The following DNAH9 variants were observed in gnomAD, a reference collection of about 807,000 sequenced individuals.
DNAH9 encodes DNAH9 variant protein.
In DNAH9, 345 loss-of-function variants were observed where a neutral mutation model predicts 471.6. The observed-to-expected ratio is 0.73, with a 90% confidence interval of 0.67 to 0.80. The LOEUF is 0.80. Ranked by LOEUF, DNAH9 falls within the 30% of genes least tolerant of loss-of-function variation. DNAH9 has a pLI of 0.00. For missense variants in DNAH9, 5,407 were observed against 5,609.2 expected, an observed-to-expected ratio of 0.96 and a Z score of 1.15; for synonymous variants, 2,093 against 2,123.6, an observed-to-expected ratio of 0.99 and a Z score of 0.40.
intron 67 of DNAH9, 68 bp downstream of exon 67, chr17:11,942,553 GA>G: frequency 1.3e-6 from 2 of 1,504,110 alleles, no homozygotes; most frequent in Non-Finnish European, 9.0e-7. Context: ...CTATGGGGAA[GA>G]AGGAGCACTG....
rs146843410 is a variant in DNAH9, at chr17:11,708,053, A to C, written c.5552+2868A>C. ...GAGAGAGAGAGAGAGAGAGAGAGAG[A>C]GAGCAGGTAACCCTGACAGAGCCTC... is the stretch of plus-strand genomic sequence containing the variant. On this transcript the variant is annotated intron_variant, in intron 26 of 68. Coordinates refer to ENST00000262442, the MANE Select transcript of DNAH9 (RefSeq NM_001372.4). Among the ~76,000 whole-genome samples the C allele has an allele frequency of 4.1e-4, 60 of 147,884 alleles. 1 individual carries two copies. The East Asian group carries it at 8.2e-3, about 20-fold the overall frequency.
rs1379419815 is a variant in DNAH9 at position 11,701,218 on chromosome 17, G to C, written c.5122G>C (p.Glu1708Gln). ...AACTGCCTATGAAGAAAAGCCGAGG[G>C]AGCAGTGGCTTTTTGACCACCCAGC... ...GVTAYEEKPR[E>Q]QWLFDHPAQV... The change falls in exon 24 of 69, where the codon GAG becomes CAG. Residue 1708 changes from glutamate to glutamine, a missense_variant. Physicochemically the swap from Glu to Gln is conservative, Grantham distance 29. Around this residue, in one of 3 missense-constraint regions of DNAH9, gnomAD observed 4,636 missense variants for 4,900.3 expected, o/e 0.95. Coordinates refer to ENST00000262442, the MANE Select transcript of DNAH9 (RefSeq NM_001372.4). The C allele has an allele frequency of 1.2e-6, 2 of 1,613,708 alleles. No homozygotes were observed. The highest frequency in any genetic ancestry group is 1.7e-6 in the Non-Finnish European group (2 of 1,179,974).
chr17:11,611,610 T>A (rs1205140953), intron 3 of DNAH9, 40 bp from the exon 4 acceptor site: 1 of 1,604,826 alleles, frequency 6.2e-7, no homozygotes, highest in Admixed American at 1.7e-5. Flanking sequence ...TTGCATTTCC[T>A]GATGCTTCCC....
chr17:11,601,143 C>CT (rs1182721464), intron 1 of DNAH9, among the ~76,000 whole-genome samples: 6 of 152,256 alleles, frequency 3.9e-5, no homozygotes, highest in South Asian at 2.1e-4. Context: ...GGATTTCTTT[C>CT]TTTTTTTAAC....
chr17:11,937,262 C>A lies in DNAH9; in HGVS notation c.12490-90C>A, dbSNP rs1390496695. 1.4e-5 allele frequency: 20 copies of A among 1,476,876 alleles called. 1 individual carries two copies. The Admixed American group carries it at 4.0e-4, about 29-fold the overall frequency. The allele number at this position is 1,476,876 out of a possible 1,614,324, so 91.5% of individuals were successfully genotyped here. A position where few individuals can be genotyped will look rare whatever the true frequency, so the allele number is the denominator to read the frequency against. ...GTGTCCCCTGGAGGAGGGATACTAGCCCATGGACTCCCTGCAGAGGACAAG... is the reference window on the plus strand; with the variant it reads ...GTGTCCCCTGGAGGAGGGATACTAGACCATGGACTCCCTGCAGAGGACAAG... On this transcript the variant is annotated intron_variant, in intron 65 of 68. Coordinates refer to ENST00000262442, the MANE Select transcript of DNAH9 (RefSeq NM_001372.4). This position sits in a 1 kb window ranked among gnomAD's most constrained non-coding sequence, Gnocchi z 4.1.
At chr17:11,926,959 G>A (rs753329695) in intron 62 of DNAH9, among the ~76,000 whole-genome samples, 60 of 152,154 alleles carry the variant, frequency 3.9e-4, no homozygotes, top group African/African-American at 1.1e-3. Flanking sequence ...TCTGACTGGC[G>A]TGAGATGGTA....
intron 28 of DNAH9, among the ~76,000 whole-genome samples, chr17:11,730,186 T>A (rs2075234672): frequency 6.6e-6 from 1 of 152,206 alleles, no homozygotes; most frequent in Non-Finnish European, 1.5e-5. Context: ...ATGGCTAGCC[T>A]GGACACTCTT....
intron 31 of DNAH9, among the ~76,000 whole-genome samples, chr17:11,745,514 A>G (rs1441816973): frequency 6.6e-6 from 1 of 152,236 alleles, no homozygotes; most frequent in Non-Finnish European, 1.5e-5. Context: ...AACACAGCAC[A>G]GCTCCTTATT....
chr17:11,834,347 A>AAAAAAAAG (rs1555605967), intron 48 of DNAH9, among the ~76,000 whole-genome samples: 1 of 148,920 alleles, frequency 6.7e-6, no homozygotes. Context: ...AAAAAAAAAA[A>AAAAAAAAG]AAGAAGAAGA....
rs939024897 is a variant in DNAH9, at chr17:11,756,334, T to A, written c.6739-234T>A. On this transcript the variant is annotated intron_variant, in intron 33 of 68. Transcript: ENST00000262442. ...CTCACTCACAACCATGAGAACTGTA[T>A]GGGGGAAACCACTCCCATGATTCAA... Among the ~76,000 whole-genome samples, 3 of 151,694 alleles carry A rather than the reference T, an allele frequency of 2.0e-5. No homozygotes were observed. In the East Asian group the frequency reaches 5.8e-4, roughly 29 times the overall value.
intron 19 of DNAH9, among the ~76,000 whole-genome samples, chr17:11,688,087 AAAAAAAAAAAAAAG>A (rs1466980243): frequency 2.8e-5 from 4 of 144,342 alleles, no homozygotes; most frequent in Admixed American, 2.7e-4. Context: ...TAAGCCAAAA[AAAAAAAAAAAAAAG>A]AAAAAGCCAT....
intron 44 of DNAH9, among the ~76,000 whole-genome samples, chr17:11,809,150 G>A (rs1026780549): frequency 6.6e-6 from 1 of 152,282 alleles, no homozygotes; most frequent in African/African-American, 2.4e-5. Context: ...AGCCCAAAAT[G>A]TCATCCATCT....
At chr17:11,801,535 C>T (rs983119002) in intron 43 of DNAH9, among the ~76,000 whole-genome samples, 1 of 152,072 alleles carries the variant, frequency 6.6e-6, no homozygotes, top group Non-Finnish European at 1.5e-5. Flanking sequence ...ACTAAAAATA[C>T]AAATTAGCTG....
At chr17:11,640,931 T>C (rs2073259441) in intron 10 of DNAH9, among the ~76,000 whole-genome samples, 1 of 152,170 alleles carries the variant, frequency 6.6e-6, no homozygotes, top group Non-Finnish European at 1.5e-5. Context: ...ACCCTCAGCT[T>C]GCTTCATAGC....
At chr17:11,828,378 C>T (rs1211364984) in intron 48 of DNAH9, among the ~76,000 whole-genome samples, 6 of 149,622 alleles carry the variant, frequency 4.0e-5, no homozygotes, top group Non-Finnish European at 1.5e-5. Context: ...GAGGCTTAAG[C>T]AGGAGAATTG....
At position 11,839,343 on chromosome 17, in the gene DNAH9, C is replaced by T. The variant is rs966556228; in HGVS notation, c.9507+4445C>T. 2.3e-4 allele frequency among the ~76,000 whole-genome samples: 35 copies of T among 151,468 alleles called. 1 individual carries two copies. Among genetic ancestry groups the T allele is most frequent in the Admixed American group, 2.0e-3 (30 of 15,198 alleles). The stretch of plus-strand genomic sequence containing the variant: ...CATCCTGGCTGACACGGTGAAACCC[C>T]GTCTCTACTAAAAATACAAAAAATT... On this transcript the variant is annotated intron_variant, in intron 49 of 68. Transcript: ENST00000262442.
At chr17:11,798,138 A>T (rs544291480) in intron 43 of DNAH9, among the ~76,000 whole-genome samples, 5 of 152,178 alleles carry the variant, frequency 3.3e-5, no homozygotes, top group Admixed American at 1.3e-4. Context: ...AGGGCCATTT[A>T]AAAAAATGAG....
intron 10 of DNAH9, among the ~76,000 whole-genome samples, chr17:11,641,626 G>C (rs2073273928): frequency 6.6e-6 from 1 of 152,126 alleles, no homozygotes; most frequent in South Asian, 2.1e-4. Context: ...CCCAGCCCTG[G>C]AAGTTTGGCG....
At chr17:11,887,559 T>C (rs1972916237) in intron 57 of DNAH9, among the ~76,000 whole-genome samples, 1 of 151,900 alleles carries the variant, frequency 6.6e-6, no homozygotes, top group Non-Finnish European at 1.5e-5. Context: ...AGTACATCTT[T>C]CCCCCCTAGG....
Sources: allele counts gnomAD v4.1 joint callset (sites outside exome capture counted in the v4.1 genomes callset), GRCh38; gene constraint gnomAD v4.1.1; regional missense constraint gnomAD v4.1.1; non-coding constraint Gnocchi (gnomAD v3.1); transcripts MANE v1.5; gene names NCBI Gene and HGNC (gene_info 2026-07-23, HGNC 2026-07-21).